PITPNC1: variants seen among roughly 807,000 people sequenced by gnomAD.
PITPNC1 encodes the protein cytoplasmic phosphatidylinositol transfer protein 1.
PITPNC1 carries 18 observed loss-of-function variants against 44.7 expected under a neutral mutation model. The ratio of observed to expected loss-of-function variants is 0.40; its 90% CI spans 0.28 to 0.60. The LOEUF is 0.60. PITPNC1 is among the 20% of genes least tolerant of loss of function. The pLI is 0.39. For synonymous variants in PITPNC1, 141 were observed against 149.6 expected (o/e 0.94, Z 0.42); for missense variants, 290 against 418.4 (o/e 0.69, Z 2.68).
intron 4 of PITPNC1, among the ~76,000 whole-genome samples, chr17:67,576,082 G>A (rs576932028): frequency 1.3e-5 from 2 of 151,928 alleles, no homozygotes; most frequent in Non-Finnish European, 2.9e-5. Context: ...TCGCCATGGT[G>A]GCCAGGCTGG....
At chr17:67,437,329 C>T (rs566090741) in intron 1 of PITPNC1, among the ~76,000 whole-genome samples, 3 of 152,022 alleles carry the variant, frequency 2.0e-5, no homozygotes, top group African/African-American at 4.8e-5. Flanking sequence ...GGAAGGGGAG[C>T]GGACATAGAG....
At chr17:67,613,411 A>G (rs1298370493) in intron 5 of PITPNC1, 1 of 152,202 alleles carries the variant, frequency 6.6e-6, no homozygotes, top group Non-Finnish European at 1.5e-5. Flanking sequence ...CAGCGATCAA[A>G]GGTTAGCATT....
intron 4 of PITPNC1, among the ~76,000 whole-genome samples, chr17:67,558,411 G>A (rs894647992): frequency 1.3e-5 from 2 of 151,966 alleles, no homozygotes; most frequent in Non-Finnish European, 2.9e-5. Context: ...TGCAAAGAAA[G>A]GTGCCTGAGG....
intron 2 of PITPNC1, among the ~76,000 whole-genome samples, chr17:67,540,606 T>C (rs1164769002): frequency 2.0e-5 from 3 of 152,166 alleles, no homozygotes; most frequent in African/African-American, 7.2e-5. Flanking sequence ...TTTTATATAT[T>C]TTTTATGTAA....
intron 7 of PITPNC1, among the ~76,000 whole-genome samples, chr17:67,673,905 C>T (rs368723401): frequency 2.2e-5 from 3 of 133,590 alleles, no homozygotes; most frequent in Non-Finnish European, 3.0e-5. Flanking sequence ...GAGCCGAGAT[C>T]GCAGTGAGCC....
At chr17:67,483,187 G>A (rs972488660) in intron 1 of PITPNC1, among the ~76,000 whole-genome samples, 3 of 152,156 alleles carry the variant, frequency 2.0e-5, no homozygotes, top group African/African-American at 4.8e-5. Context: ...GAGATCATGA[G>A]GGACATTTCT....
chr17:67,399,293 G>A (rs1362296130), intron 1 of PITPNC1, among the ~76,000 whole-genome samples: 1 of 152,104 alleles, frequency 6.6e-6, no homozygotes, highest in African/African-American at 2.4e-5. Flanking sequence ...GATTACAGGC[G>A]TGAGCCACTG....
intron 2 of PITPNC1, among the ~76,000 whole-genome samples, chr17:67,540,406 A>G (rs1440718236): frequency 6.6e-6 from 1 of 152,018 alleles, no homozygotes; most frequent in Non-Finnish European, 1.5e-5. Context: ...CACCTGGCCT[A>G]TTCCTTTTTT....
At chr17:67,410,568 T>C (rs2143842416) in intron 1 of PITPNC1, among the ~76,000 whole-genome samples, 1 of 152,114 alleles carries the variant, frequency 6.6e-6, no homozygotes, top group South Asian at 2.1e-4. Flanking sequence ...GATTTTTTTG[T>C]AGCGATGAAG....
rs77328138 is a variant in PITPNC1, at chr17:67,693,503, T to TAAAG, written c.*617_*620dup. The TAAAG allele has an allele frequency of 0.016, 2,385 of 152,778 alleles. 171 individuals carry two copies. In the East Asian group the frequency reaches 0.24, roughly 15 times the overall value. The allele number at this position is 152,778 out of a possible 1,614,324, so 9.5% of individuals were successfully genotyped here. A position where few individuals can be genotyped will look rare whatever the true frequency, so the allele number is the denominator to read the frequency against. Reference sequence around the variant, plus strand: ...CATTTATACCTTCCACAGAATTTAATAAAGATTCTACTTGTTTCTGTCTTT... The same window carrying TAAAG: ...CATTTATACCTTCCACAGAATTTAATAAAGAAAGATTCTACTTGTTTCTGTCTTT... On this transcript the variant is annotated 3_prime_UTR_variant, in exon 9 of 9. Transcript: ENST00000581322.
chr17:67,378,546 G>A (rs956545946), intron 1 of PITPNC1, among the ~76,000 whole-genome samples: 1 of 152,186 alleles, frequency 6.6e-6, no homozygotes, highest in Non-Finnish European at 1.5e-5. Flanking sequence ...GCGCGCTGTA[G>A]CTGGGGTTTG....
intron 1 of PITPNC1, among the ~76,000 whole-genome samples, chr17:67,430,543 A>G (rs1015747759): frequency 1.3e-5 from 2 of 152,008 alleles, no homozygotes; most frequent in South Asian, 2.1e-4. Context: ...GCTCATGCCT[A>G]TAATCCCAGT....
At chr17:67,454,700 A>G (rs2039230430) in intron 1 of PITPNC1, among the ~76,000 whole-genome samples, 1 of 152,220 alleles carries the variant, frequency 6.6e-6, no homozygotes, top group Non-Finnish European at 1.5e-5. Context: ...AAAAAGCACA[A>G]TAAAACAAAA....
At chr17:67,533,383 C>T (rs556621912) in intron 2 of PITPNC1, among the ~76,000 whole-genome samples, 8 of 152,208 alleles carry the variant, frequency 5.3e-5, no homozygotes, top group South Asian at 2.1e-4. Flanking sequence ...ATCTTTCCCA[C>T]GGCTTTGATG....
chr17:67,582,765 T>C (rs2144240225), intron 5 of PITPNC1, among the ~76,000 whole-genome samples: 1 of 152,350 alleles, frequency 6.6e-6, no homozygotes. Flanking sequence ...TACTTGGGCC[T>C]TCATTCGTGC....
rs528034119 is a variant in PITPNC1, at chr17:67,483,029, A to C, written c.49-49773A>C. 2.0e-5 allele frequency among the ~76,000 whole-genome samples: 3 copies of C among 152,190 alleles called. No homozygotes were observed. In the South Asian group the frequency reaches 6.2e-4, roughly 32 times the overall value. On this transcript the variant is annotated intron_variant, in intron 1 of 8. Coordinates refer to ENST00000581322, the MANE Select transcript of PITPNC1 (RefSeq NM_012417.4). ...TTGGTAGTCACCCACCTTGCTTCCT[A>C]CCATCAAAAGGAACTTCTGGTAGAA...
chr17:67,521,939 T>G (rs927392435), intron 1 of PITPNC1, among the ~76,000 whole-genome samples: 2 of 152,120 alleles, frequency 1.3e-5, no homozygotes, highest in African/African-American at 4.8e-5. Context: ...GTCTGCAACA[T>G]TGGGCACGCA....
intron 1 of PITPNC1, among the ~76,000 whole-genome samples, chr17:67,384,072 A>T (rs191317309): frequency 1.3e-5 from 2 of 152,112 alleles, no homozygotes; most frequent in African/African-American, 4.8e-5. Flanking sequence ...ACAAACCAAA[A>T]ACCAGTTCTT....
At chr17:67,687,121 C>T in intron 8 of PITPNC1, 1 of 1,612,386 alleles carries the variant, frequency 6.2e-7, no homozygotes. Context: ...AACAAACCAA[C>T]ATAAAAGTTT....
Sources: gnomAD v4.1 joint callset for allele counts (sites outside exome capture counted in the v4.1 genomes callset) on GRCh38, gnomAD v4.1.1 for gene constraint, MANE v1.5 for transcripts, NCBI Gene and HGNC (gene_info 2026-07-23, HGNC 2026-07-21) for gene names.